ROR1: variants seen among roughly 807,000 people sequenced by gnomAD.
The protein encoded by ROR1 is ROR family WNT receptor 1, also known as inactive tyrosine-protein kinase transmembrane receptor ROR1.
Under a neutral mutation model 78.8 loss-of-function variants are expected in ROR1, and 19 were observed. The ratio of observed to expected loss-of-function variants is 0.24; its 90% CI spans 0.17 to 0.35. ROR1 has a LOEUF of 0.35. Ranked by LOEUF, ROR1 falls within the 10% of genes least tolerant of loss-of-function variation. The probability of loss-of-function intolerance (pLI) is 1.00; values close to 1 mark genes in which losing one functional copy is unlikely to be tolerated. For missense variants in ROR1, 917 were observed against 1,177.8 expected (o/e 0.78, Z 3.24); for synonymous variants, 386 against 433.6 (o/e 0.89, Z 1.36).
At chr1:63,834,913 C>T (rs552205187) in intron 1 of ROR1, among the ~76,000 whole-genome samples, 14 of 152,098 alleles carry the variant, frequency 9.2e-5, no homozygotes, top group Non-Finnish European at 2.1e-4. Flanking sequence ...CTCTAATCAA[C>T]ATTCTTCTAG....
At chr1:64,080,767 C>G (rs1647095023) in intron 4 of ROR1, among the ~76,000 whole-genome samples, 1 of 152,174 alleles carries the variant, frequency 6.6e-6, no homozygotes, top group South Asian at 2.1e-4. Context: ...ACATGGTGCC[C>G]TTCATTTGCT....
chr1:64,014,749 T>TATATATATATATA (rs1312989204), intron 2 of ROR1, among the ~76,000 whole-genome samples: 9 of 15,112 alleles, frequency 6.0e-4, no homozygotes, highest in African/African-American at 9.3e-4. Flanking sequence ...ACTATATATA[T>TATATATATATATA]ATATATATAT....
intron 1 of ROR1, among the ~76,000 whole-genome samples, chr1:63,986,912 G>GAAAGA (rs1028685690): frequency 1.9e-4 from 29 of 151,962 alleles, no homozygotes; most frequent in Non-Finnish European, 4.1e-4. Context: ...AAGAAAAAAG[G>GAAAGA]AAAGAAAAGA....
intron 8 of ROR1, chr1:64,171,192 A>G: frequency 5.7e-6 from 1 of 176,364 alleles, no homozygotes; most frequent in Non-Finnish European, 1.1e-5. Flanking sequence ...GAAGAAAAAG[A>G]GGCTTAATGG....
At chr1:63,793,628 G>A (rs557163259) in intron 1 of ROR1, among the ~76,000 whole-genome samples, 8 of 152,344 alleles carry the variant, frequency 5.3e-5, no homozygotes, top group African/African-American at 1.7e-4. Flanking sequence ...TTGCTCTAGG[G>A]AATGCCCTTA....
intron 1 of ROR1, among the ~76,000 whole-genome samples, chr1:63,938,157 G>C (rs855944): frequency 0.68 from 102,638 of 152,016 alleles, 38,365 homozygotes; most frequent in East Asian, 0.94. Context: ...GAAAAAAAAT[G>C]TGTCTGTGCT....
At chr1:64,094,552 G>A (rs116310892) in intron 4 of ROR1, 2,740 of 147,424 alleles carry the variant, frequency 0.019, 83 homozygotes, top group African/African-American at 0.068. Flanking sequence ...TGGTGTTTGT[G>A]TGTGTGTGTT....
At chr1:63,893,669 G>A (rs1420867937) in intron 1 of ROR1, among the ~76,000 whole-genome samples, 2 of 152,064 alleles carry the variant, frequency 1.3e-5, no homozygotes, top group Admixed American at 6.6e-5. Context: ...GTGTTTCTAA[G>A]AAACGAAGCA....
intron 1 of ROR1, among the ~76,000 whole-genome samples, chr1:63,796,721 C>G (rs1336277649): frequency 6.6e-6 from 1 of 152,130 alleles, no homozygotes; most frequent in Non-Finnish European, 1.5e-5. Context: ...CCTTTTGCCT[C>G]CTTTGTGTTT....
chr1:64,129,448 G>T (rs938937577), intron 4 of ROR1, among the ~76,000 whole-genome samples: 1 of 152,194 alleles, frequency 6.6e-6, no homozygotes, highest in Non-Finnish European at 1.5e-5. Context: ...TTTAGGGGGT[G>T]GTTTGAATGC....
At chr1:64,155,506 G>T (rs1649745420) in intron 7 of ROR1, among the ~76,000 whole-genome samples, 1 of 152,168 alleles carries the variant, frequency 6.6e-6, no homozygotes, top group African/African-American at 2.4e-5. Flanking sequence ...CATATCCTCA[G>T]TGTAATCAGA....
chr1:64,154,129 T>A (rs1649704494), intron 7 of ROR1, among the ~76,000 whole-genome samples: 1 of 150,004 alleles, frequency 6.7e-6, no homozygotes, highest in Non-Finnish European at 1.5e-5. Context: ...CTATTCAGCA[T>A]TTTTTTTTAA....
intron 8 of ROR1, among the ~76,000 whole-genome samples, chr1:64,176,370 G>T (rs1650379512): frequency 6.6e-6 from 1 of 152,132 alleles, no homozygotes; most frequent in South Asian, 2.1e-4. Context: ...CCAGACATAG[G>T]TCTGAGTGCT....
Position 64,142,470 on chromosome 1 carries a change from C to T in ROR1, c.994C>T (p.Arg332Cys), listed in dbSNP as rs527657528. The T allele has an allele frequency of 7.4e-6, 12 of 1,614,140 alleles. No homozygotes were observed. The highest frequency in any genetic ancestry group is 3.3e-5 in the Admixed American group (2 of 60,026). ...RGTVSVTKSG[R>C]QCQPWNSQYP... Reference sequence around the variant, plus strand: ...GACCGTCAGTGTGACCAAATCAGGGCGCCAGTGCCAGCCATGGAATTCCCA... The same window carrying T: ...GACCGTCAGTGTGACCAAATCAGGGTGCCAGTGCCAGCCATGGAATTCCCA... Residue 332 changes from arginine (R) to cysteine (C), a missense_variant, in exon 7 of 9, where the codon CGC (arginine) becomes TGC (cysteine). Arg to Cys is a radical substitution (Grantham distance 180). Transcript: ENST00000371079.
intron 2 of ROR1, among the ~76,000 whole-genome samples, chr1:64,041,810 T>A (rs1646748252): frequency 6.6e-6 from 1 of 152,204 alleles, no homozygotes; most frequent in Non-Finnish European, 1.5e-5. Flanking sequence ...GCACTTCTTT[T>A]CTTTTCACTT....
intron 4 of ROR1, among the ~76,000 whole-genome samples, chr1:64,074,861 C>T (rs1647036475): frequency 6.6e-6 from 1 of 152,100 alleles, no homozygotes; most frequent in African/African-American, 2.4e-5. Flanking sequence ...TCCATCTGCA[C>T]AATGAAGATA....
chr1:64,177,325 G>T (rs987092755), intron 8 of ROR1, 103 bp from the exon 9 acceptor site: 23 of 858,590 alleles, frequency 2.7e-5, no homozygotes, highest in Admixed American at 4.9e-5. Context: ...TATTGAATTT[G>T]TTTATAGAAC....
At chr1:63,830,090 C>T (rs986384983) in intron 1 of ROR1, among the ~76,000 whole-genome samples, 2 of 151,770 alleles carry the variant, frequency 1.3e-5, no homozygotes, top group South Asian at 2.1e-4. Flanking sequence ...ACATGGGTAA[C>T]GCTAGAGACA....
chr1:64,113,623 ACT>A (rs1648199478), intron 4 of ROR1: 1 of 152,020 alleles, frequency 6.6e-6, no homozygotes. Context: ...TGGGGTGAAA[ACT>A]CACATTGGGA....
Sources: gnomAD v4.1 joint callset for allele counts (sites outside exome capture counted in the v4.1 genomes callset) on GRCh38, gnomAD v4.1.1 for gene constraint, MANE v1.5 for transcripts, NCBI Gene and HGNC (gene_info 2026-07-23, HGNC 2026-07-21) for gene names.